METTL24: variants seen among roughly 807,000 people sequenced by gnomAD.
The protein encoded by METTL24 is methyltransferase like 24, also known as probable methyltransferase-like protein 24.
In METTL24, 29 loss-of-function variants were observed where a neutral mutation model predicts 32.7. The ratio of observed to expected loss-of-function variants is 0.89; its 90% CI spans 0.66 to 1.21. The LOEUF is 1.21. Ranked by LOEUF, METTL24 falls within the 50% of genes most tolerant of loss-of-function variation. The probability of loss-of-function intolerance (pLI) is 0.00; values close to 1 mark genes in which losing one functional copy is unlikely to be tolerated. For synonymous variants in METTL24, 163 were observed against 179.5 expected, an observed-to-expected ratio of 0.91 and a Z score of 0.73; for missense variants, 439 against 468.1, an observed-to-expected ratio of 0.94 and a Z score of 0.57.
At chr6:110,293,491 T>C (rs9487352) in intron 4 of METTL24, among the ~76,000 whole-genome samples, 74,031 of 151,694 alleles carry the variant, frequency 0.49, 22,061 homozygotes, top group African/African-American at 0.86. Flanking sequence ...TTGAGTTTTC[T>C]AGTATACCAT....
At chr6:110,265,781 T>C (rs957391018) in intron 4 of METTL24, among the ~76,000 whole-genome samples, 1 of 151,376 alleles carries the variant, frequency 6.6e-6, no homozygotes, top group Non-Finnish European at 1.5e-5. Context: ...ACAAGATTTG[T>C]ACTACCTCCC....
intron 4 of METTL24, among the ~76,000 whole-genome samples, chr6:110,298,365 G>T (rs184239814): frequency 6.6e-6 from 1 of 152,310 alleles, no homozygotes; most frequent in Admixed American, 6.5e-5. Context: ...TGTTTGCAGA[G>T]ATTTGACATC....
rs990589608 is a variant in METTL24 at position 110,299,130 on chromosome 6, T to G, written c.578A>C (p.His193Pro). 8 of 1,613,984 alleles carry G rather than the reference T, an allele frequency of 5.0e-6. No homozygotes were observed. In the South Asian group the frequency reaches 8.8e-5, roughly 18 times the overall value. Residue 193 changes from histidine (H) to proline (P), a missense_variant, in exon 4 of 5, where the codon CAT (histidine) becomes CCT (proline). Physicochemically the swap from His to Pro is moderately conservative, Grantham distance 77. Coordinates refer to ENST00000338882, the MANE Select transcript of METTL24 (RefSeq NM_001123364.3). The stretch of plus-strand genomic sequence containing the variant: ...GTTGTTGGCCATGCTAACCTCAAAA[T>G]GGGTATCATCACTTCCTAGCCTATA... ...YSLGLGSDDTHFEVSMANNGC... is the reference protein window; with the variant it reads ...YSLGLGSDDTPFEVSMANNGC...
intron 4 of METTL24, among the ~76,000 whole-genome samples, chr6:110,290,878 A>C (rs1208141173): frequency 6.6e-6 from 1 of 152,176 alleles, no homozygotes; most frequent in Admixed American, 6.5e-5. Flanking sequence ...TAGTAACATC[A>C]ATCTTTTAAA....
chr6:110,323,933 A>G (rs1004302375), intron 1 of METTL24, among the ~76,000 whole-genome samples: 1 of 151,976 alleles, frequency 6.6e-6, no homozygotes, highest in African/African-American at 2.4e-5. Context: ...TCATTCACAT[A>G]TACACAGTGT....
chr6:110,254,519 C>T lies in METTL24; in HGVS notation c.787-8259G>A, dbSNP rs1778347853. 2.0e-5 allele frequency among the ~76,000 whole-genome samples: 3 copies of T among 152,118 alleles called. No individual in the cohort carries two copies. In the South Asian group the frequency reaches 6.2e-4, roughly 32 times the overall value. ...TGGTGGCATGCACCTGCAATCCCAGCTACTTGGGAGGCTGAGACAGGAAAA... is the reference window on the plus strand; with the variant it reads ...TGGTGGCATGCACCTGCAATCCCAGTTACTTGGGAGGCTGAGACAGGAAAA... On this transcript the variant is annotated intron_variant, in intron 4 of 4. Transcript: ENST00000338882.
chr6:110,333,101 A>T (rs529063148), intron 1 of METTL24, among the ~76,000 whole-genome samples: 13 of 152,278 alleles, frequency 8.5e-5, no homozygotes, highest in African/African-American at 2.9e-4. Flanking sequence ...TGAAACTCAG[A>T]ATCCTAAAAG....
chr6:110,262,810 T>C (rs1441079430), intron 4 of METTL24, among the ~76,000 whole-genome samples: 1 of 152,166 alleles, frequency 6.6e-6, no homozygotes, highest in Admixed American at 6.5e-5. Context: ...CAAGGCTGGT[T>C]CAACATACAC....
intron 1 of METTL24, among the ~76,000 whole-genome samples, chr6:110,349,284 G>A (rs1318596540): frequency 6.6e-6 from 1 of 152,224 alleles, no homozygotes; most frequent in Non-Finnish European, 1.5e-5. Context: ...GAGGCAATGT[G>A]TGTTGCTTCC....
chr6:110,314,400 A>G (rs1771779109), intron 3 of METTL24, among the ~76,000 whole-genome samples: 1 of 152,194 alleles, frequency 6.6e-6, no homozygotes, highest in South Asian at 2.1e-4. Flanking sequence ...ATACGGGTAC[A>G]TTTGGTGAAA....
At chr6:110,341,690 T>A (rs1031511971) in intron 1 of METTL24, among the ~76,000 whole-genome samples, 1 of 152,178 alleles carries the variant, frequency 6.6e-6, no homozygotes, top group Non-Finnish European at 1.5e-5. Context: ...ATAGAGGCAG[T>A]CTCAGTATAG....
At chr6:110,314,636 T>C (rs938197780) in intron 3 of METTL24, among the ~76,000 whole-genome samples, 3 of 152,166 alleles carry the variant, frequency 2.0e-5, no homozygotes, top group Admixed American at 2.0e-4. Context: ...CCATTATTTG[T>C]TTTGGGTTAT....
intron 4 of METTL24, among the ~76,000 whole-genome samples, chr6:110,254,861 A>T (rs1347333925): frequency 6.6e-6 from 1 of 152,224 alleles, no homozygotes; most frequent in Non-Finnish European, 1.5e-5. Flanking sequence ...TATCAAGTTT[A>T]CTTAAAGTGT....
At chr6:110,348,502 C>G (rs1772525744) in intron 1 of METTL24, among the ~76,000 whole-genome samples, 1 of 152,240 alleles carries the variant, frequency 6.6e-6, no homozygotes, top group African/African-American at 2.4e-5. Context: ...TTACTCTGAG[C>G]TCAATGAGCA....
chr6:110,334,691 T>C (rs1239599113), intron 1 of METTL24, among the ~76,000 whole-genome samples: 2 of 152,240 alleles, frequency 1.3e-5, no homozygotes, highest in East Asian at 3.8e-4. Context: ...TCCCACTGAA[T>C]ATGTCATTGG....
intron 3 of METTL24, among the ~76,000 whole-genome samples, chr6:110,305,927 A>G (rs955094493): frequency 2.6e-5 from 4 of 152,236 alleles, no homozygotes; most frequent in Non-Finnish European, 4.4e-5. Flanking sequence ...GAACCAACCC[A>G]AATGCCCACA....
At chr6:110,286,112 C>A (rs1441219152) in intron 4 of METTL24, among the ~76,000 whole-genome samples, 8 of 152,290 alleles carry the variant, frequency 5.3e-5, no homozygotes, top group African/African-American at 1.9e-4. Flanking sequence ...ATATCATGCA[C>A]CTTACAATAG....
rs1009633471 is a variant in METTL24, at chr6:110,260,509, G to A, written c.787-14249C>T. 4.6e-5 allele frequency among the ~76,000 whole-genome samples: 7 copies of A among 152,260 alleles called. No homozygotes were observed. In the South Asian group the frequency reaches 6.2e-4, roughly 14 times the overall value. On this transcript the variant is annotated intron_variant, in intron 4 of 4. Transcript: ENST00000338882. ...TCTGAGTGGTGTACCTGAAAGTGAC[G>A]GGGAGAATGCAACCAAGTTGGAAAA...
At chr6:110,348,963 T>G (rs1051916633) in intron 1 of METTL24, among the ~76,000 whole-genome samples, 6 of 152,208 alleles carry the variant, frequency 3.9e-5, no homozygotes, top group African/African-American at 1.4e-4. Flanking sequence ...GGGGTCTTGT[T>G]TTAGTTCACT....
Sources: gnomAD v4.1 joint callset for allele counts (sites outside exome capture counted in the v4.1 genomes callset) on GRCh38, gnomAD v4.1.1 for gene constraint, MANE v1.5 for transcripts, NCBI Gene and HGNC (gene_info 2026-07-23, HGNC 2026-07-21) for gene names.